The following ANKS1B variants were observed in gnomAD, a reference collection of about 807,000 sequenced individuals.
ANKS1B encodes the protein ankyrin repeat and sterile alpha motif domain-containing protein 1B.
Under a neutral mutation model 148.3 loss-of-function variants are expected in ANKS1B, and 36 were observed. The observed-to-expected ratio is 0.24, with a 90% CI of 0.19 to 0.32. The LOEUF is 0.32. Ranked by LOEUF, ANKS1B falls within the 10% of genes least tolerant of loss-of-function variation. The pLI, the probability that ANKS1B is intolerant of heterozygous loss-of-function variation, is 1.00. For missense variants in ANKS1B, 1,157 were observed against 1,542.6 expected (o/e 0.75, Z 4.19); for synonymous variants, 542 against 560.8 (o/e 0.97, Z 0.47).
chr12:99,663,706 G>T (rs1028412178), intron 8 of ANKS1B, among the ~76,000 whole-genome samples: 1 of 152,092 alleles, frequency 6.6e-6, no homozygotes, highest in Admixed American at 6.5e-5. Flanking sequence ...TAAACTTGAG[G>T]ATTTGCCAGT....
intron 12 of ANKS1B, among the ~76,000 whole-genome samples, chr12:99,359,150 C>G (rs953148592): frequency 3.3e-5 from 5 of 151,998 alleles, no homozygotes; most frequent in Admixed American, 3.3e-4. Context: ...TCTAATGATC[C>G]AGTATCTCAT....
At chr12:99,211,636 G>A (rs542139204) in intron 14 of ANKS1B, among the ~76,000 whole-genome samples, 41 of 152,200 alleles carry the variant, frequency 2.7e-4, no homozygotes, top group Admixed American at 1.3e-3. Flanking sequence ...GGAAGGACCC[G>A]CTCCAGTTCT....
chr12:99,015,566 A>T (rs190263239), intron 17 of ANKS1B, among the ~76,000 whole-genome samples: 4 of 152,276 alleles, frequency 2.6e-5, no homozygotes, highest in African/African-American at 9.6e-5. Context: ...AAATAGTAAG[A>T]TCTTAAGAAA....
intron 4 of ANKS1B, among the ~76,000 whole-genome samples, chr12:99,785,537 G>C (rs140530919): frequency 1.3e-5 from 2 of 151,922 alleles, no homozygotes; most frequent in Non-Finnish European, 2.9e-5. Flanking sequence ...AGGTGCAAGC[G>C]ATTCTCCTGC....
At chr12:99,319,503 T>G (rs2084821294) in intron 12 of ANKS1B, among the ~76,000 whole-genome samples, 1 of 152,180 alleles carries the variant, frequency 6.6e-6, no homozygotes, top group Non-Finnish European at 1.5e-5. Flanking sequence ...CCCTGCTTTT[T>G]TGTTTGTTTG....
At chr12:99,794,136 A>G (rs2065964416) in intron 4 of ANKS1B, among the ~76,000 whole-genome samples, 1 of 152,034 alleles carries the variant, frequency 6.6e-6, no homozygotes, top group Admixed American at 6.6e-5. Flanking sequence ...ACCTCACCCC[A>G]GTTAAAATGG....
In ANKS1B at chr12:99,655,196, T is replaced by C. The variant is rs1385487335; in HGVS notation, c.1143A>G (p.Thr381=). 1 of 1,609,762 alleles carries C rather than the reference T, an allele frequency of 6.2e-7. No individual in the cohort carries two copies. Among genetic ancestry groups the C allele is most frequent in the Non-Finnish European group, 8.5e-7 (1 of 1,177,570 alleles). The part of the protein sequence containing the change: ...NGSQSVRTSS[T]INLSPGEVEE... ...CCACTTCTCCTGGTGACAAATTGAT[T>C]GTAGATGAGGTTCTCTGAAATTAAA... is the stretch of plus-strand genomic sequence containing the variant. Residue 381 remains threonine, a synonymous_variant, in exon 9 of 27, where the codon ACA becomes ACG. Transcript: ENST00000683438.
chr12:99,345,807 G>T (rs962348760), intron 12 of ANKS1B, among the ~76,000 whole-genome samples: 8 of 151,952 alleles, frequency 5.3e-5, no homozygotes, highest in Non-Finnish European at 2.9e-5. Context: ...CACCTGCGGA[G>T]CTGAGCCAAA....
chr12:98,775,003 G>T (rs1046012422), intron 24 of ANKS1B, among the ~76,000 whole-genome samples: 1 of 152,094 alleles, frequency 6.6e-6, no homozygotes, highest in African/African-American at 2.4e-5. Flanking sequence ...ACCAAATTAG[G>T]GATGGGTGAG....
In ANKS1B at chr12:98,735,568, T is replaced by TTC; in HGVS notation, c.755_756dup (p.Lys253GlufsTer12). 1.3e-6 allele frequency: 1 copy of TTC among 770,270 alleles called. No individual in the cohort carries two copies. Among genetic ancestry groups the TTC allele is most frequent in the African/African-American group, 1.7e-5 (1 of 59,222 alleles). 47.7% of individuals were successfully genotyped at this position (770,270 alleles called of 1,614,324 possible). ...ATGTAAATTCAATTCTATCAAAATT[T>TTC]TCTGAGTGCCTCCTCAGTGTGTCTC... On this transcript the variant is annotated frameshift_variant, in exon 10 of 10. Transcript: ENST00000341752. LOFTEE classifies it high-confidence loss of function.
At chr12:99,473,369 GT>G (rs1232006402) in intron 10 of ANKS1B, among the ~76,000 whole-genome samples, 4 of 151,608 alleles carry the variant, frequency 2.6e-5, no homozygotes, top group Admixed American at 2.0e-4. Context: ...TAGACATTTT[GT>G]TTTTTCGTAA....
intron 1 of ANKS1B, among the ~76,000 whole-genome samples, chr12:99,928,926 C>T (rs1414455237): frequency 6.6e-6 from 1 of 151,998 alleles, no homozygotes; most frequent in Non-Finnish European, 1.5e-5. Context: ...CTATATAAGG[C>T]CACTAAAGGA....
intron 15 of ANKS1B, among the ~76,000 whole-genome samples, chr12:99,096,833 T>C (rs1457021619): frequency 6.6e-6 from 1 of 152,228 alleles, no homozygotes; most frequent in South Asian, 2.1e-4. Flanking sequence ...TTAAAGGTTC[T>C]GAGTTTTGTT....
chr12:99,963,015 G>A (rs576847386), intron 1 of ANKS1B, among the ~76,000 whole-genome samples: 47 of 152,052 alleles, frequency 3.1e-4, no homozygotes, highest in Middle Eastern at 6.8e-3. Flanking sequence ...GGGTTTCACC[G>A]TGTTAGCCAG....
At chr12:99,858,598 G>T (rs984296099) in intron 1 of ANKS1B, among the ~76,000 whole-genome samples, 1 of 152,098 alleles carries the variant, frequency 6.6e-6, no homozygotes, top group South Asian at 2.1e-4. Flanking sequence ...AGCACAATTT[G>T]CAGTTGCAAA....
chr12:98,922,291 T>C (rs1457203574), intron 17 of ANKS1B, among the ~76,000 whole-genome samples: 1 of 151,960 alleles, frequency 6.6e-6, no homozygotes, highest in Non-Finnish European at 1.5e-5. Flanking sequence ...CCTCTAGTAC[T>C]CTGAATATAA....
intron 9 of ANKS1B, among the ~76,000 whole-genome samples, chr12:99,617,458 A>G (rs1042063364): frequency 6.6e-6 from 1 of 152,346 alleles, no homozygotes; most frequent in East Asian, 1.9e-4. Flanking sequence ...CTATGCAGCC[A>G]TAAAAAAATG....
intron 9 of ANKS1B, among the ~76,000 whole-genome samples, chr12:99,571,971 T>C (rs1214248396): frequency 2.6e-5 from 4 of 152,124 alleles, no homozygotes; most frequent in Non-Finnish European, 5.9e-5. Flanking sequence ...ATAAAACATA[T>C]GCATGTTGAG....
rs141020965 is a variant in ANKS1B at position 99,508,822 on chromosome 12, T to C, written c.1273-4181A>G. Among the ~76,000 whole-genome samples, 16 of 152,038 alleles carry C rather than the reference T, an allele frequency of 1.1e-4. No homozygotes were observed. In the East Asian group the frequency reaches 1.5e-3, roughly 15 times the overall value. On this transcript the variant is annotated intron_variant, in intron 9 of 26. Coordinates refer to ENST00000683438, the MANE Select transcript of ANKS1B (RefSeq NM_001352186.2). ...TCTGGACTTTCTAATTGGTTCCATATATATGTCTATTCTAGTACAGGCATA... is the reference window on the plus strand; with the variant it reads ...TCTGGACTTTCTAATTGGTTCCATACATATGTCTATTCTAGTACAGGCATA...
Sources: gnomAD v4.1 joint callset for allele counts (sites outside exome capture counted in the v4.1 genomes callset) on GRCh38, gnomAD v4.1.1 for gene constraint, MANE v1.5 for transcripts, NCBI Gene and HGNC (gene_info 2026-07-23, HGNC 2026-07-21) for gene names.